Variants in TTC28 observed in about 807,000 individuals in gnomAD.
TTC28 encodes tetratricopeptide repeat domain 28, also known as tetratricopeptide repeat protein 28.
TTC28 carries 61 observed loss-of-function variants against 198.0 expected under a neutral mutation model. That is an observed-to-expected ratio of 0.31 (90% CI 0.25 to 0.38). TTC28 has a LOEUF of 0.38. Ranked by LOEUF, TTC28 falls within the 10% of genes least tolerant of loss-of-function variation. TTC28 has a pLI of 1.00. For missense variants in TTC28, 2,678 were observed against 3,164.0 expected (o/e 0.85, Z 3.69); for synonymous variants, 1,171 against 1,297.8 (o/e 0.90, Z 2.10).
chr22:28,093,944 G>C, intron 12 of TTC28, 136 bp downstream of exon 12: 1 of 866,618 alleles, frequency 1.2e-6, no homozygotes, highest in South Asian at 2.0e-5. Context: ...TGTTTCTGCT[G>C]CAGCAGCTGT....
intron 5 of TTC28, among the ~76,000 whole-genome samples, chr22:28,234,121 TG>T (rs757499156): frequency 2.0e-5 from 3 of 152,014 alleles, no homozygotes; most frequent in Non-Finnish European, 4.4e-5. Context: ...TTAGCCAGGA[TG>T]GTCTCGATCT....
At chr22:28,269,309 C>T (rs1931896623) in intron 5 of TTC28, among the ~76,000 whole-genome samples, 2 of 152,014 alleles carry the variant, frequency 1.3e-5, no homozygotes, top group South Asian at 2.1e-4. Flanking sequence ...CAGGGTCCCT[C>T]GGGAAGTGTG....
At chr22:28,593,761 G>A (rs2050483899) in intron 2 of TTC28, among the ~76,000 whole-genome samples, 2 of 152,076 alleles carry the variant, frequency 1.3e-5, no homozygotes, top group Non-Finnish European at 2.9e-5. Context: ...TTATTTAAAA[G>A]AACATATTCA....
At chr22:28,433,634 T>C (rs956999407) in intron 2 of TTC28, among the ~76,000 whole-genome samples, 4 of 152,176 alleles carry the variant, frequency 2.6e-5, no homozygotes, top group Non-Finnish European at 4.4e-5. Context: ...CTAGTTAATA[T>C]TTAAATATGT....
intron 1 of TTC28, among the ~76,000 whole-genome samples, chr22:28,645,514 C>T (rs2051447001): frequency 6.6e-6 from 1 of 151,454 alleles, no homozygotes; most frequent in Non-Finnish European, 1.5e-5. Flanking sequence ...GTAGTCCCAG[C>T]TTCTGAGGAG....
chr22:28,229,610 A>G (rs1185468178), intron 5 of TTC28, among the ~76,000 whole-genome samples: 1 of 152,190 alleles, frequency 6.6e-6, no homozygotes, highest in Non-Finnish European at 1.5e-5. Context: ...CCTCAAAACA[A>G]TGTTATAGAC....
At chr22:28,414,742 C>T (rs143891762) in intron 2 of TTC28, among the ~76,000 whole-genome samples, 114 of 152,250 alleles carry the variant, frequency 7.5e-4, no homozygotes, top group African/African-American at 2.7e-3. Context: ...AAAGTGAATA[C>T]GCAATGATCT....
chr22:28,507,288 T>C (rs142126023), intron 2 of TTC28, among the ~76,000 whole-genome samples: 30 of 152,166 alleles, frequency 2.0e-4, no homozygotes, highest in African/African-American at 7.2e-4. Context: ...AACAGCAGAA[T>C]AGACCAAGCC....
intron 2 of TTC28, among the ~76,000 whole-genome samples, chr22:28,474,450 T>G (rs1056016810): frequency 5.9e-5 from 9 of 152,124 alleles, no homozygotes; most frequent in Non-Finnish European, 8.8e-5. Flanking sequence ...CCCAGAAGAC[T>G]CCTCCCTCTT....
chr22:28,330,749 A>G (rs1018373342), intron 2 of TTC28, among the ~76,000 whole-genome samples: 2 of 152,168 alleles, frequency 1.3e-5, no homozygotes, highest in African/African-American at 4.8e-5. Flanking sequence ...GAGGGTATAT[A>G]AGAAAAGATA....
intron 2 of TTC28, among the ~76,000 whole-genome samples, chr22:28,626,694 T>C (rs566744930): frequency 9.9e-4 from 151 of 152,210 alleles, no homozygotes; most frequent in Middle Eastern, 3.4e-3. Flanking sequence ...AAAGAACCTT[T>C]TGTGATTTCA....
chr22:28,593,679 A>C (rs2050481419), intron 2 of TTC28, among the ~76,000 whole-genome samples: 1 of 152,210 alleles, frequency 6.6e-6, no homozygotes, highest in Non-Finnish European at 1.5e-5. Context: ...AACAGTTTTT[A>C]CTGTACACTC....
intron 5 of TTC28, among the ~76,000 whole-genome samples, chr22:28,259,957 C>T (rs1205201163): frequency 6.6e-6 from 1 of 152,050 alleles, no homozygotes; most frequent in Non-Finnish European, 1.5e-5. Flanking sequence ...TCTGCTCCTG[C>T]GATATTCCTC....
intron 11 of TTC28, 126 bp from the exon 12 acceptor site, chr22:28,094,371 C>T: frequency 1.8e-6 from 2 of 1,105,462 alleles, no homozygotes; most frequent in Non-Finnish European, 2.4e-6. Context: ...CCTGCAAACC[C>T]TGTCAAAAAA....
chr22:28,045,951 C>A (rs573649294), intron 12 of TTC28, among the ~76,000 whole-genome samples: 1 of 152,304 alleles, frequency 6.6e-6, no homozygotes, highest in African/African-American at 2.4e-5. Context: ...GCCTGGGCGA[C>A]AGAGCAAGGC....
At chr22:28,216,326 T>C (rs1306005148) in intron 5 of TTC28, among the ~76,000 whole-genome samples, 1 of 152,162 alleles carries the variant, frequency 6.6e-6, no homozygotes, top group Non-Finnish European at 1.5e-5. Flanking sequence ...CTATGTTCAA[T>C]GAGTGGGAGT....
intron 5 of TTC28, among the ~76,000 whole-genome samples, chr22:28,256,704 T>A (rs570117720): frequency 3.3e-5 from 5 of 152,126 alleles, no homozygotes; most frequent in Non-Finnish European, 7.4e-5. Context: ...CAAAACAGCA[T>A]GGTACTGGTA....
intron 13 of TTC28, among the ~76,000 whole-genome samples, chr22:28,018,011 C>G (rs536398423): frequency 8.5e-5 from 13 of 152,338 alleles, no homozygotes; most frequent in African/African-American, 3.1e-4. Flanking sequence ...CCCATCAGCA[C>G]TTGCTGGCCT....
At chr22:28,147,395 G>A (rs574904734) in intron 6 of TTC28, among the ~76,000 whole-genome samples, 10 of 152,270 alleles carry the variant, frequency 6.6e-5, no homozygotes, top group African/African-American at 2.4e-4. Context: ...AAGTACAGCC[G>A]TTATGAAATA....
Sources: allele counts gnomAD v4.1 joint callset (sites outside exome capture counted in the v4.1 genomes callset), GRCh38; gene constraint gnomAD v4.1.1; transcripts MANE v1.5; gene names NCBI Gene and HGNC (gene_info 2026-07-23, HGNC 2026-07-21).